AUTS2: variants seen among roughly 807,000 people sequenced by gnomAD.
AUTS2 encodes autism susceptibility gene 2 protein.
Under a neutral mutation model 112.4 loss-of-function variants are expected in AUTS2, and 17 were observed. That is an observed-to-expected ratio of 0.15 (90% CI 0.10 to 0.23). The LOEUF is 0.23. AUTS2 is among the 10% of genes least tolerant of loss of function. The pLI, the probability that AUTS2 is intolerant of heterozygous loss-of-function variation, is 1.00. For synonymous variants in AUTS2, 751 were observed against 702.7 expected, an observed-to-expected ratio of 1.07 and a Z score of -1.09; for missense variants, 1,510 against 1,701.6, an observed-to-expected ratio of 0.89 and a Z score of 1.98.
chr7:70,585,781 CTT>C (rs1412356356), intron 5 of AUTS2, among the ~76,000 whole-genome samples: 1 of 152,058 alleles, frequency 6.6e-6, no homozygotes, highest in Non-Finnish European at 1.5e-5. Context: ...ATTAGAATCT[CTT>C]GTTTAAAAGT....
intron 4 of AUTS2, among the ~76,000 whole-genome samples, chr7:70,387,157 A>C (rs1793649306): frequency 1.3e-5 from 2 of 152,118 alleles, no homozygotes; most frequent in Admixed American, 6.5e-5. Flanking sequence ...TCACTGCCAA[A>C]CCTTTTGAAA....
At chr7:70,119,793 A>C (rs539639656) in intron 3 of AUTS2, 1 of 123,536 alleles carries the variant, frequency 8.1e-6, no homozygotes, top group East Asian at 2.3e-4. Flanking sequence ...AGTATTAAGA[A>C]TAAATAAAGG....
At chr7:70,688,087 C>A (rs571404726) in intron 5 of AUTS2, among the ~76,000 whole-genome samples, 1 of 152,280 alleles carries the variant, frequency 6.6e-6, no homozygotes, top group East Asian at 1.9e-4. Flanking sequence ...GCACCGAAGT[C>A]AAAATGCAGA....
In AUTS2 at chr7:69,656,632, A is replaced by G. The variant is rs1405954394; in HGVS notation, c.309+56670A>G. Among the ~76,000 whole-genome samples the G allele has an allele frequency of 2.6e-5, 4 of 152,272 alleles. No homozygotes were observed. The East Asian group carries it at 5.8e-4, about 22-fold the overall frequency. ...GTAGCCTTGCTCCTCCCTGACATTGAAGAGACTGGCTTCTGGGAGAGGAAA... is the reference window on the plus strand; with the variant it reads ...GTAGCCTTGCTCCTCCCTGACATTGGAGAGACTGGCTTCTGGGAGAGGAAA... On this transcript the variant is annotated intron_variant, in intron 1 of 18. Transcript: ENST00000342771.
intron 5 of AUTS2, among the ~76,000 whole-genome samples, chr7:70,551,105 G>C (rs1231661474): frequency 6.6e-6 from 1 of 152,120 alleles, no homozygotes; most frequent in Non-Finnish European, 1.5e-5. Context: ...AAACAATAAG[G>C]AAGCATCGGA....
chr7:70,779,915 C>T (rs1416806455), intron 14 of AUTS2, among the ~76,000 whole-genome samples: 2 of 151,920 alleles, frequency 1.3e-5, no homozygotes, highest in South Asian at 2.1e-4. Flanking sequence ...TGACATGGAT[C>T]TGTAGTCCCA....
chr7:69,714,245 GTA>G (rs3072322), intron 1 of AUTS2, among the ~76,000 whole-genome samples: 68,475 of 132,476 alleles, frequency 0.52, 16,628 homozygotes, highest in South Asian at 0.57. Flanking sequence ...GCATGTGTGT[GTA>G]TATGTGTGTG....
At chr7:69,763,654 A>G (rs1788290653) in intron 1 of AUTS2, among the ~76,000 whole-genome samples, 1 of 152,162 alleles carries the variant, frequency 6.6e-6, no homozygotes, top group Non-Finnish European at 1.5e-5. Flanking sequence ...TTTTCTGTAC[A>G]AAGTATCTTT....
At chr7:69,921,950 G>C (rs1172793643) in intron 2 of AUTS2, among the ~76,000 whole-genome samples, 1 of 151,962 alleles carries the variant, frequency 6.6e-6, no homozygotes. Flanking sequence ...TGTAATCCCA[G>C]CTGCTTGGGA....
intron 2 of AUTS2, among the ~76,000 whole-genome samples, chr7:70,028,918 T>A (rs1800645885): frequency 6.6e-6 from 1 of 152,150 alleles, no homozygotes; most frequent in African/African-American, 2.4e-5. Flanking sequence ...GTATGCCCCC[T>A]ACTTGGTTCT....
At chr7:70,478,641 A>T (rs1797672149) in intron 5 of AUTS2, among the ~76,000 whole-genome samples, 1 of 152,160 alleles carries the variant, frequency 6.6e-6, no homozygotes, top group Admixed American at 6.5e-5. Context: ...CTTTCGTTCA[A>T]GACCATAACT....
intron 4 of AUTS2, among the ~76,000 whole-genome samples, chr7:70,208,347 G>A (rs1048472384): frequency 6.6e-6 from 1 of 152,154 alleles, no homozygotes; most frequent in Non-Finnish European, 1.5e-5. Flanking sequence ...ACATCACTAT[G>A]TTATTAAATA....
At chr7:69,626,269 G>T (rs959288918) in intron 1 of AUTS2, among the ~76,000 whole-genome samples, 1 of 152,180 alleles carries the variant, frequency 6.6e-6, no homozygotes, top group Admixed American at 6.5e-5. Context: ...TTGTAATTTT[G>T]CATAGTAACA....
At chr7:69,799,471 G>A (rs1032912481) in intron 1 of AUTS2, among the ~76,000 whole-genome samples, 4 of 152,086 alleles carry the variant, frequency 2.6e-5, no homozygotes, top group Non-Finnish European at 5.9e-5. Flanking sequence ...GAGGTCCAGC[G>A]AGTTTGGGGA....
intron 5 of AUTS2, among the ~76,000 whole-genome samples, chr7:70,528,581 G>C (rs575402668): frequency 1.4e-3 from 211 of 152,164 alleles, no homozygotes; most frequent in African/African-American, 4.9e-3. Flanking sequence ...ATTCGGAGAG[G>C]TGAGCAAGGA....
At chr7:70,016,730 C>T (rs1038861452) in intron 2 of AUTS2, among the ~76,000 whole-genome samples, 2 of 149,986 alleles carry the variant, frequency 1.3e-5, no homozygotes, top group African/African-American at 2.5e-5. Context: ...TGCAGTAGCT[C>T]GATCTCAGCT....
At chr7:69,751,578 T>G (rs537489230) in intron 1 of AUTS2, among the ~76,000 whole-genome samples, 1 of 152,210 alleles carries the variant, frequency 6.6e-6, no homozygotes, top group African/African-American at 2.4e-5. Context: ...GGATGAATTA[T>G]TGACCTGAAC....
chr7:70,226,580 C>G (rs1811779124), intron 4 of AUTS2, among the ~76,000 whole-genome samples: 1 of 151,854 alleles, frequency 6.6e-6, no homozygotes, highest in African/African-American at 2.4e-5. Flanking sequence ...TTCAGATAAC[C>G]CAGCTTCTTG....
chr7:70,593,354 G>A (rs1416452651), intron 5 of AUTS2, among the ~76,000 whole-genome samples: 3 of 152,104 alleles, frequency 2.0e-5, no homozygotes, highest in African/African-American at 7.2e-5. Context: ...TAATAAATGA[G>A]AACATAACAT....
Sources: gnomAD v4.1 joint callset for allele counts (sites outside exome capture counted in the v4.1 genomes callset) on GRCh38, gnomAD v4.1.1 for gene constraint, MANE v1.5 for transcripts, NCBI Gene and HGNC (gene_info 2026-07-23, HGNC 2026-07-21) for gene names.